TFEC: variants seen among roughly 807,000 people sequenced by gnomAD.
The protein encoded by TFEC is transcription factor EC, also known as class E basic helix-loop-helix protein 34.
Under a neutral mutation model 41.6 loss-of-function variants are expected in TFEC, and 31 were observed. That is an observed-to-expected ratio of 0.74 (90% CI 0.56 to 1.01). TFEC has a LOEUF of 1.01. TFEC is among the 50% of genes least tolerant of loss of function. The probability of loss-of-function intolerance (pLI) is 0.00; values close to 1 mark genes in which losing one functional copy is unlikely to be tolerated. For missense variants in TFEC, 402 were observed against 404.1 expected (o/e 0.99, Z 0.04); for synonymous variants, 143 against 140.6 (o/e 1.02, Z -0.12).
At chr7:116,062,976 T>C (rs1282090728) in intron 3 of TFEC, among the ~76,000 whole-genome samples, 1 of 152,200 alleles carries the variant, frequency 6.6e-6, no homozygotes, top group African/African-American at 2.4e-5. Flanking sequence ...ACATATGTTC[T>C]TGCAAATATT....
intron 1 of TFEC, among the ~76,000 whole-genome samples, chr7:116,144,018 G>A (rs1798591961): frequency 6.6e-6 from 1 of 152,104 alleles, no homozygotes; most frequent in Non-Finnish European, 1.5e-5. Flanking sequence ...AGGAGATCGA[G>A]ACCATCCTGG....
At chr7:116,042,791 A>G (rs902022522) in intron 3 of TFEC, among the ~76,000 whole-genome samples, 2 of 152,190 alleles carry the variant, frequency 1.3e-5, no homozygotes, top group African/African-American at 4.8e-5. Context: ...AATTCCATTA[A>G]GAAATCTCTT....
chr7:115,950,802 C>T (rs1791893586), intron 6 of TFEC, 72 bp downstream of exon 6: 1 of 1,194,250 alleles, frequency 8.4e-7, no homozygotes, highest in African/African-American at 1.6e-5. Flanking sequence ...TTCTCTCCTC[C>T]CTTCTTCCCT....
chr7:116,035,516 T>C (rs1795889404), upstream of TFEC, among the ~76,000 whole-genome samples: 1 of 152,146 alleles, frequency 6.6e-6, no homozygotes, highest in Admixed American at 6.6e-5. Flanking sequence ...ACCAAAATTA[T>C]AGTTTTATTC....
chr7:116,039,316 AAG>A (rs1293892091), intron 3 of TFEC, among the ~76,000 whole-genome samples: 3 of 152,048 alleles, frequency 2.0e-5, no homozygotes, highest in Non-Finnish European at 2.9e-5. Flanking sequence ...GAAGAGAAAA[AAG>A]AGAAAAATTA....
intron 3 of TFEC, among the ~76,000 whole-genome samples, chr7:116,063,298 A>G (rs1796613281): frequency 6.6e-6 from 1 of 152,160 alleles, no homozygotes; most frequent in Admixed American, 6.6e-5. Context: ...AGGTTCAGGA[A>G]AAAAGGTTAT....
intron 3 of TFEC, among the ~76,000 whole-genome samples, chr7:116,076,053 C>T (rs918477189): frequency 3.9e-5 from 6 of 152,204 alleles, no homozygotes; most frequent in African/African-American, 1.4e-4. Flanking sequence ...GGAACAGGTG[C>T]TGTTATCCAC....
intron 3 of TFEC, among the ~76,000 whole-genome samples, chr7:116,086,993 G>C (rs1447903600): frequency 6.6e-6 from 1 of 151,898 alleles, no homozygotes; most frequent in Non-Finnish European, 1.5e-5. Flanking sequence ...CAATAATGGA[G>C]TTATTTTCCA....
chr7:116,154,613 C>A (rs987653739), intron 1 of TFEC, among the ~76,000 whole-genome samples: 1 of 152,158 alleles, frequency 6.6e-6, no homozygotes, highest in Non-Finnish European at 1.5e-5. Flanking sequence ...ATTGGCATTG[C>A]ACTTATAATA....
chr7:115,992,918 T>C (rs1470544402), intron 1 of TFEC, among the ~76,000 whole-genome samples: 2 of 152,048 alleles, frequency 1.3e-5, no homozygotes, highest in Admixed American at 6.6e-5. Flanking sequence ...GAATTTTAGA[T>C]CAATATCCCT....
intron 3 of TFEC, among the ~76,000 whole-genome samples, chr7:116,045,679 C>G (rs371344825): frequency 6.6e-6 from 1 of 152,248 alleles, no homozygotes; most frequent in African/African-American, 2.4e-5. Flanking sequence ...TTTGAGCCCC[C>G]ACACAGAGTC....
At chr7:116,071,593 T>C (rs1796830687) in intron 3 of TFEC, among the ~76,000 whole-genome samples, 1 of 151,400 alleles carries the variant, frequency 6.6e-6, no homozygotes, top group Non-Finnish European at 1.5e-5. Flanking sequence ...TGACTAGATC[T>C]AAAGAGATTT....
At chr7:116,088,688 T>C (rs1797255857) in intron 3 of TFEC, among the ~76,000 whole-genome samples, 1 of 152,138 alleles carries the variant, frequency 6.6e-6, no homozygotes. Flanking sequence ...TACTTATGAT[T>C]AGGTTTTTTA....
At chr7:116,132,533 T>C (rs1206529416) in intron 1 of TFEC, among the ~76,000 whole-genome samples, 3 of 152,188 alleles carry the variant, frequency 2.0e-5, no homozygotes, top group African/African-American at 2.4e-5. Context: ...CTAAGTAAAG[T>C]TGGCATTGTT....
chr7:116,037,205 C>T (rs572958910), intron 3 of TFEC, among the ~76,000 whole-genome samples: 29 of 152,040 alleles, frequency 1.9e-4, no homozygotes, highest in African/African-American at 6.5e-4. Flanking sequence ...ATTTTGTGCA[C>T]GGGATGTTGA....
chr7:116,085,361 T>C (rs995696392), intron 3 of TFEC, among the ~76,000 whole-genome samples: 3 of 151,916 alleles, frequency 2.0e-5, no homozygotes, highest in Non-Finnish European at 4.4e-5. Flanking sequence ...AAGAGAGAAG[T>C]GAAGCGGGGA....
intron 3 of TFEC, among the ~76,000 whole-genome samples, chr7:116,038,433 G>T (rs982420373): frequency 6.6e-6 from 1 of 151,896 alleles, no homozygotes; most frequent in African/African-American, 2.4e-5. Flanking sequence ...ATAAACGACT[G>T]ATAAGACTTA....
Position 115,994,459 on chromosome 7 carries a change from T to C in TFEC, c.-72-9946A>G, listed in dbSNP as rs560813655. ...AGAAAATTTTTACAACCTATCCCTC[T>C]GACAAAGGGCTAATATCTAGAATCT... On this transcript the variant is annotated intron_variant, in intron 1 of 7. Transcript: ENST00000265440. Among the ~76,000 whole-genome samples the C allele has an allele frequency of 5.3e-5, 8 of 152,300 alleles. No homozygotes were observed. In the South Asian group the frequency reaches 1.7e-3, roughly 32 times the overall value.
rs1329513980 is a variant in TFEC at position 116,041,647 on chromosome 7, T to C, written c.199-57134A>G. On this transcript the variant is annotated intron_variant, in intron 3 of 8. Transcript: ENST00000484212. Reference sequence around the variant, plus strand: ...GTGCTCAGAAGTAATTCTCTTCTCCTGTGTATAGATCTTGCTAATCACGTA... The same window carrying C: ...GTGCTCAGAAGTAATTCTCTTCTCCCGTGTATAGATCTTGCTAATCACGTA... Among the ~76,000 whole-genome samples the C allele has an allele frequency of 2.0e-5, 3 of 152,214 alleles. No individual in the cohort carries two copies. The East Asian group carries it at 5.8e-4, about 29-fold the overall frequency.
Sources: gnomAD v4.1 joint callset for allele counts (sites outside exome capture counted in the v4.1 genomes callset) on GRCh38, gnomAD v4.1.1 for gene constraint, MANE v1.5 for transcripts, NCBI Gene and HGNC (gene_info 2026-07-23, HGNC 2026-07-21) for gene names.